Variants in AFG1L observed in about 807,000 individuals in gnomAD.
AFG1L encodes AFG1 like ATPase, also known as AFG1-like ATPase.
A neutral mutation model predicts 62.2 loss-of-function variants in AFG1L; 53 were observed. The observed-to-expected ratio is 0.85, with a 90% confidence interval of 0.68 to 1.07. AFG1L has a LOEUF of 1.07. Ranked by LOEUF, AFG1L falls within the 50% of genes least tolerant of loss-of-function variation. The probability of loss-of-function intolerance (pLI) is 0.00; values close to 1 mark genes in which losing one functional copy is unlikely to be tolerated. For synonymous variants in AFG1L, 228 were observed against 210.3 expected, an observed-to-expected ratio of 1.08 and a Z score of -0.73; for missense variants, 555 against 590.5, an observed-to-expected ratio of 0.94 and a Z score of 0.62.
chr6:108,386,826 T>C (rs1232326184), intron 6 of AFG1L, among the ~76,000 whole-genome samples: 1 of 152,218 alleles, frequency 6.6e-6, no homozygotes, highest in Non-Finnish European at 1.5e-5. Context: ...TGAAGTGATA[T>C]GATATTCTAA....
intron 2 of AFG1L, among the ~76,000 whole-genome samples, chr6:108,341,827 A>G (rs982330357): frequency 6.6e-6 from 1 of 152,170 alleles, no homozygotes; most frequent in Non-Finnish European, 1.5e-5. Flanking sequence ...TCCCTAAGAT[A>G]CAGGTAACTT....
intron 10 of AFG1L, among the ~76,000 whole-genome samples, chr6:108,493,482 A>G (rs1773846771): frequency 6.6e-6 from 1 of 152,110 alleles, no homozygotes; most frequent in Non-Finnish European, 1.5e-5. Context: ...AGACTTTCTA[A>G]CTCTAGAAAT....
At chr6:108,440,916 T>C (rs1771520685) in intron 7 of AFG1L, among the ~76,000 whole-genome samples, 1 of 152,184 alleles carries the variant, frequency 6.6e-6, no homozygotes, top group African/African-American at 2.4e-5. Flanking sequence ...TGACTGTTAA[T>C]CAAGAAAAAC....
intron 6 of AFG1L, among the ~76,000 whole-genome samples, chr6:108,400,731 A>C (rs1339422453): frequency 7.2e-5 from 9 of 125,372 alleles, no homozygotes; most frequent in African/African-American, 2.4e-4. Context: ...TATTATATAT[A>C]ATATATATTA....
chr6:108,387,835 A>C (rs989808060), intron 6 of AFG1L: 4 of 152,166 alleles, frequency 2.6e-5, no homozygotes, highest in Admixed American at 6.5e-5. Flanking sequence ...AGACTGCGCC[A>C]ATTCATTCAT....
At chr6:108,343,387 A>G (rs1030897394) in intron 2 of AFG1L, among the ~76,000 whole-genome samples, 2 of 151,774 alleles carry the variant, frequency 1.3e-5, no homozygotes, top group African/African-American at 2.4e-5. Flanking sequence ...AGCTCTCTCC[A>G]TGCAATCTTT....
chr6:108,329,308 A>AT (rs879279021), intron 2 of AFG1L, among the ~76,000 whole-genome samples: 9 of 151,332 alleles, frequency 5.9e-5, no homozygotes, highest in Non-Finnish European at 1.2e-4. Flanking sequence ...GTTATTTTTT[A>AT]TTTTTTTTGA....
chr6:108,302,781 TA>T (rs1003589331), intron 1 of AFG1L, among the ~76,000 whole-genome samples: 1 of 152,234 alleles, frequency 6.6e-6, no homozygotes, highest in African/African-American at 2.4e-5. Flanking sequence ...AACAGATTTT[TA>T]TTGCACTTAT....
intron 7 of AFG1L, among the ~76,000 whole-genome samples, chr6:108,442,280 AAC>A (rs1331971311): frequency 1.3e-5 from 2 of 152,186 alleles, no homozygotes; most frequent in Admixed American, 6.5e-5. Flanking sequence ...CATCAAGAAA[AAC>A]ACAGAACATC....
intron 6 of AFG1L, among the ~76,000 whole-genome samples, chr6:108,388,588 G>T (rs1287806213): frequency 1.3e-5 from 2 of 152,034 alleles, no homozygotes; most frequent in South Asian, 4.2e-4. Context: ...CTTTGTTCTT[G>T]TTGGTTTCAA....
intron 12 of AFG1L, chr6:108,521,208 G>A (rs554792665): frequency 2.8e-4 from 42 of 152,276 alleles, no homozygotes; most frequent in African/African-American, 9.1e-4. Context: ...CCCTAGGCTG[G>A]TGCAATGGGT....
intron 2 of AFG1L, among the ~76,000 whole-genome samples, chr6:108,327,661 G>T (rs1312257115): frequency 6.6e-6 from 1 of 152,154 alleles, no homozygotes; most frequent in Non-Finnish European, 1.5e-5. Context: ...CTCACTTTGG[G>T]GGTTAGAACT....
intron 11 of AFG1L, among the ~76,000 whole-genome samples, chr6:108,516,918 A>T (rs994250349): frequency 1.3e-5 from 2 of 152,130 alleles, no homozygotes; most frequent in Non-Finnish European, 2.9e-5. Flanking sequence ...TCAAAGAGAA[A>T]AAAATACCTA....
At chr6:108,314,558 G>GGGA (rs1777522324) in intron 1 of AFG1L, among the ~76,000 whole-genome samples, 1 of 151,806 alleles carries the variant, frequency 6.6e-6, no homozygotes. Flanking sequence ...TGCCATGCCC[G>GGGA]GCTAATTTCT....
chr6:108,351,281 A>G (rs1233368358), intron 3 of AFG1L, among the ~76,000 whole-genome samples: 1 of 152,244 alleles, frequency 6.6e-6, no homozygotes, highest in African/African-American at 2.4e-5. Flanking sequence ...TAGCTATGAC[A>G]TCACTAAGTG....
intron 7 of AFG1L, among the ~76,000 whole-genome samples, chr6:108,431,390 C>A (rs999559747): frequency 6.6e-6 from 1 of 152,180 alleles, no homozygotes; most frequent in African/African-American, 2.4e-5. Context: ...AGGCATGAGC[C>A]ACCGCGCCTG....
rs147607649 is a variant in AFG1L at position 108,482,422 on chromosome 6, G to C, written c.1062+5130G>C. Reference sequence around the variant, plus strand: ...TGGAAAATCAAGACTCTAGTACAGAGAGTTTCCATATACTTCCTAATCTAG... The same window carrying C: ...TGGAAAATCAAGACTCTAGTACAGACAGTTTCCATATACTTCCTAATCTAG... On this transcript the variant is annotated intron_variant, in intron 10 of 12. Coordinates refer to ENST00000368977, the MANE Select transcript of AFG1L (RefSeq NM_145315.5). Among the ~76,000 whole-genome samples, 1,093 of 152,196 alleles carry C rather than the reference G, an allele frequency of 7.2e-3. 34 individuals are homozygous for C. The highest frequency in any genetic ancestry group is 0.057 in the Admixed American group (869 of 15,280).
intron 11 of AFG1L, among the ~76,000 whole-genome samples, chr6:108,513,278 G>A (rs971736696): frequency 3.3e-5 from 5 of 152,238 alleles, no homozygotes; most frequent in African/African-American, 1.2e-4. Context: ...AGGACAGTGG[G>A]TGCAGCGCAC....
chr6:108,321,541 G>T (rs1268876686), intron 1 of AFG1L, among the ~76,000 whole-genome samples: 7 of 152,176 alleles, frequency 4.6e-5, no homozygotes, highest in Non-Finnish European at 8.8e-5. Context: ...CAGGTGTGAT[G>T]CAATGAATAA....
Sources: gnomAD v4.1 joint callset for allele counts (sites outside exome capture counted in the v4.1 genomes callset) on GRCh38, gnomAD v4.1.1 for gene constraint, MANE v1.5 for transcripts, NCBI Gene and HGNC (gene_info 2026-07-23, HGNC 2026-07-21) for gene names.